VPS53: variants seen among roughly 807,000 people sequenced by gnomAD.
VPS53 encodes the protein VPS53 subunit of GARP complex.
Under a neutral mutation model 107.0 loss-of-function variants are expected in VPS53, and 70 were observed. The ratio of observed to expected loss-of-function variants is 0.65; its 90% CI spans 0.54 to 0.80. VPS53 has a LOEUF of 0.80. Ranked by LOEUF, VPS53 falls within the 30% of genes least tolerant of loss-of-function variation. The pLI is 0.00. For missense variants in VPS53, 917 were observed against 1,049.4 expected, an observed-to-expected ratio of 0.87 and a Z score of 1.74; for synonymous variants, 409 against 393.3, an observed-to-expected ratio of 1.04 and a Z score of -0.47.
rs1235097678 is a variant in VPS53, at chr17:646,177, A to T, written c.608+7114T>A. ...GGTCTTATCTTTTCTAATTCATACC[A>T]CGGACTGGAGACTGGCTCCCACACA... On this transcript the variant is annotated intron_variant, in intron 7 of 21. Transcript: ENST00000437048. Among the ~76,000 whole-genome samples, 24 of 120,234 alleles carry T rather than the reference A, an allele frequency of 2.0e-4. 3 individuals carry two copies. The highest frequency in any genetic ancestry group is 3.9e-4 in the Non-Finnish European group (22 of 55,946). 78.9% of individuals were successfully genotyped at this position (120,234 alleles called of 152,430 possible).
At chr17:621,718 T>C (rs1969474277) in intron 11 of VPS53, among the ~76,000 whole-genome samples, 1 of 152,242 alleles carries the variant, frequency 6.6e-6, no homozygotes, top group Non-Finnish European at 1.5e-5. Context: ...GTATTTTCCT[T>C]ATGGATTTTT....
chr17:680,418 G>C (rs1477878888), intron 4 of VPS53, among the ~76,000 whole-genome samples: 2 of 151,796 alleles, frequency 1.3e-5, no homozygotes, highest in African/African-American at 4.8e-5. Flanking sequence ...AAAAATACTA[G>C]GATTCAACAA....
At chr17:604,686 CATCT>C (rs1968483850) in intron 11 of VPS53, among the ~76,000 whole-genome samples, 1 of 152,182 alleles carries the variant, frequency 6.6e-6, no homozygotes, top group African/African-American at 2.4e-5. Flanking sequence ...TGAAGCAATC[CATCT>C]GTCTCAGCCT....
intron 13 of VPS53, among the ~76,000 whole-genome samples, chr17:573,984 C>A (rs1284866436): frequency 2.6e-5 from 4 of 152,284 alleles, no homozygotes; most frequent in African/African-American, 7.2e-5. Flanking sequence ...ATAGTGTGTG[C>A]ATGATATGGA....
At chr17:661,370 A>T (rs368845889) in intron 5 of VPS53, among the ~76,000 whole-genome samples, 1 of 151,572 alleles carries the variant, frequency 6.6e-6, no homozygotes, top group Admixed American at 6.6e-5. Context: ...AAATACAAAA[A>T]ATTAGCCGGG....
intron 7 of VPS53, among the ~76,000 whole-genome samples, chr17:645,677 G>A (rs1396243147): frequency 6.6e-6 from 1 of 152,204 alleles, no homozygotes; most frequent in Non-Finnish European, 1.5e-5. Flanking sequence ...AGTTATTAAC[G>A]AATCCCTATG....
intron 12 of VPS53, among the ~76,000 whole-genome samples, chr17:589,908 G>A (rs992488672): frequency 2.0e-5 from 3 of 152,056 alleles, no homozygotes; most frequent in South Asian, 2.1e-4. Context: ...TTCCAATTCT[G>A]TGAAGAAAGT....
Position 512,782 on chromosome 17 carries a change from C to A in VPS53, c.*6346G>T, listed in dbSNP as rs1048761282. The A allele has an allele frequency of 1.3e-5, 2 of 152,066 alleles. No individual in the cohort carries two copies. The highest frequency in any genetic ancestry group is 4.8e-5 in the African/African-American group (2 of 41,398). 9.4% of individuals were successfully genotyped at this position (152,066 alleles called of 1,614,324 possible). On this transcript the variant is annotated 3_prime_UTR_variant, in exon 22 of 22. Transcript: ENST00000437048. The stretch of plus-strand genomic sequence containing the variant: ...ACTAAGGAAACAGGATGGACTCATG[C>A]GTGCAGGAGAGAAATCACTAAAGGA...
Position 519,784 on chromosome 17 carries a change from G to A in VPS53, c.2328+42C>T, listed in dbSNP as rs1249526414. 5.8e-6 allele frequency: 8 copies of A among 1,390,308 alleles called. No homozygotes were observed. The highest frequency in any genetic ancestry group is 2.5e-5 in the East Asian group (1 of 40,136). The allele number at this position is 1,390,308 out of a possible 1,614,324, so 86.1% of individuals were successfully genotyped here. A position where few individuals can be genotyped will look rare whatever the true frequency, so the allele number is the denominator to read the frequency against. On this transcript the variant is annotated intron_variant, in intron 21 of 21. Transcript: ENST00000437048. This position sits in a 1 kb window ranked among gnomAD's most constrained non-coding sequence, Gnocchi z 5.0. ...TTCCCGGTTAAGAACCGCTGAGTGTGAGGGGGATGAGCAGGTGTGGACCAA... is the reference window on the plus strand; with the variant it reads ...TTCCCGGTTAAGAACCGCTGAGTGTAAGGGGGATGAGCAGGTGTGGACCAA...
At chr17:609,548 T>C (rs1344660131) in intron 11 of VPS53, among the ~76,000 whole-genome samples, 1 of 152,218 alleles carries the variant, frequency 6.6e-6, no homozygotes, top group Non-Finnish European at 1.5e-5. Context: ...TTGCTTTTTC[T>C]ATTTGGCAGA....
chr17:642,949 C>T (rs71355289), intron 7 of VPS53, among the ~76,000 whole-genome samples: 39 of 100,610 alleles, frequency 3.9e-4, no homozygotes, highest in Non-Finnish European at 4.4e-4. Flanking sequence ...ACTTGGCAAC[C>T]GAGGACAACT....
chr17:526,402 A>C (rs1909133176), intron 19 of VPS53, among the ~76,000 whole-genome samples: 1 of 152,316 alleles, frequency 6.6e-6, no homozygotes, highest in African/African-American at 2.4e-5. Context: ...TGACACTTTC[A>C]TTCCCTGGCC....
At chr17:575,211 G>A (rs183683395) in intron 13 of VPS53, among the ~76,000 whole-genome samples, 2 of 152,306 alleles carry the variant, frequency 1.3e-5, no homozygotes, top group African/African-American at 4.8e-5. Context: ...CTTTGTAATC[G>A]GGCATGAAAA....
chr17:581,456 C>T (rs1192121492), intron 13 of VPS53, among the ~76,000 whole-genome samples: 1 of 151,798 alleles, frequency 6.6e-6, no homozygotes, highest in Non-Finnish European at 1.5e-5. Flanking sequence ...CTAATGCATT[C>T]CCTGAGAATC....
chr17:711,391 C>CA (rs769681819), intron 1 of VPS53, among the ~76,000 whole-genome samples: 213 of 152,250 alleles, frequency 1.4e-3, no homozygotes, highest in Non-Finnish European at 2.6e-3. Context: ...AATATAGAGT[C>CA]AAAAAATCAA....
intron 4 of VPS53, among the ~76,000 whole-genome samples, chr17:696,253 A>AT (rs752030948): frequency 9.2e-5 from 14 of 152,370 alleles, no homozygotes; most frequent in African/African-American, 3.4e-4. Flanking sequence ...GATATAAAGT[A>AT]GTAAAAATAG....
rs1271175129 is a variant in VPS53 at position 516,858 on chromosome 17, T to C, written c.*2270A>G. On this transcript the variant is annotated 3_prime_UTR_variant, in exon 22 of 22. Transcript: ENST00000437048. The stretch of plus-strand genomic sequence containing the variant: ...AACTTCCCTGGCTGTGACCACCAAC[T>C]GTGGAAAACAGCAGCTTGATAGCTC... 1 of 152,266 alleles carries C rather than the reference T, an allele frequency of 6.6e-6. No individual in the cohort carries two copies. The highest frequency in any genetic ancestry group is 1.5e-5 in the Non-Finnish European group (1 of 68,058). 9.4% of individuals were successfully genotyped at this position (152,266 alleles called of 1,614,324 possible). A position where few individuals can be genotyped will look rare whatever the true frequency, so the allele number is the denominator to read the frequency against.
intron 4 of VPS53, among the ~76,000 whole-genome samples, chr17:672,866 A>T (rs1597470020): frequency 6.6e-6 from 1 of 152,188 alleles, no homozygotes; most frequent in Non-Finnish European, 1.5e-5. Context: ...TAATCCCAGC[A>T]CTGTGGGAGG....
At chr17:560,287 C>G in intron 15 of VPS53, 139 bp downstream of exon 15, 8 of 1,152,940 alleles carry the variant, frequency 6.9e-6, no homozygotes, top group Non-Finnish European at 9.6e-6. Flanking sequence ...GGACACTGAG[C>G]TTTCCTCTGT....
Sources: gnomAD v4.1 joint callset for allele counts (sites outside exome capture counted in the v4.1 genomes callset) on GRCh38, gnomAD v4.1.1 for gene constraint, Gnocchi (gnomAD v3.1) non-coding constraint, MANE v1.5 for transcripts, NCBI Gene and HGNC (gene_info 2026-07-23, HGNC 2026-07-21) for gene names.